The following KLHL6 variants were observed in gnomAD, a reference collection of about 807,000 sequenced individuals.
KLHL6 encodes the protein kelch like family member 6.
In KLHL6, 41 loss-of-function variants were observed where a neutral mutation model predicts 58.6. The ratio of observed to expected loss-of-function variants is 0.70; its 90% CI spans 0.55 to 0.91. The LOEUF (loss-of-function observed/expected upper bound fraction) is 0.91, where lower values mean the gene tolerates loss of function less well. KLHL6 is among the 40% of genes least tolerant of loss of function. The pLI is 0.00. For synonymous variants in KLHL6, 338 were observed against 322.7 expected (o/e 1.05, Z -0.51); for missense variants, 714 against 805.6 (o/e 0.89, Z 1.38).
At chr3:183,506,415 T>C (rs531311358) in intron 3 of KLHL6, among the ~76,000 whole-genome samples, 2 of 152,342 alleles carry the variant, frequency 1.3e-5, no homozygotes, top group Non-Finnish European at 2.9e-5. Flanking sequence ...TAAAGTGCAA[T>C]AAGACATATT....
At chr3:183,534,128 C>T (rs909645898) in intron 1 of KLHL6, among the ~76,000 whole-genome samples, 1 of 122,034 alleles carries the variant, frequency 8.2e-6, no homozygotes, top group Non-Finnish European at 1.8e-5. Context: ...TTTTAAAGTA[C>T]TTTGTACTTT....
At chr3:183,539,913 G>A (rs1020538579) in intron 1 of KLHL6, among the ~76,000 whole-genome samples, 1 of 152,150 alleles carries the variant, frequency 6.6e-6, no homozygotes, top group Non-Finnish European at 1.5e-5. Context: ...ATGACAGAAA[G>A]AAGGACTTGT....
chr3:183,554,219 C>T (rs774673032), intron 1 of KLHL6, among the ~76,000 whole-genome samples: 2 of 152,090 alleles, frequency 1.3e-5, no homozygotes, highest in Non-Finnish European at 2.9e-5. Context: ...GGGTTCCCAG[C>T]GCTATAAAAT....
At chr3:183,515,031 T>C (rs1711515962) in intron 2 of KLHL6, among the ~76,000 whole-genome samples, 1 of 152,234 alleles carries the variant, frequency 6.6e-6, no homozygotes, top group African/African-American at 2.4e-5. Context: ...CCAGAAAGTC[T>C]GTGAACCCCT....
At chr3:183,519,141 C>T (rs1169399286) in intron 2 of KLHL6, among the ~76,000 whole-genome samples, 6 of 152,188 alleles carry the variant, frequency 3.9e-5, no homozygotes, top group Admixed American at 2.0e-4. Context: ...AGTTGCTCCA[C>T]GTCCCCTGTA....
chr3:183,534,584 G>A (rs1003680145), intron 1 of KLHL6, among the ~76,000 whole-genome samples: 1 of 151,864 alleles, frequency 6.6e-6, no homozygotes, highest in Non-Finnish European at 1.5e-5. Flanking sequence ...TGCAATGTTT[G>A]TAGAAATGGG....
rs1389062477 is a variant in KLHL6, at chr3:183,499,270, C to T, written c.1147+320G>A. Among the ~76,000 whole-genome samples the T allele has an allele frequency of 6.6e-6, 1 of 151,694 alleles. No individual in the cohort carries two copies. The highest frequency in any genetic ancestry group is 1.5e-5 in the Non-Finnish European group (1 of 67,982). On this transcript the variant is annotated intron_variant, in intron 4 of 6. Transcript: ENST00000341319. This position sits in a 1 kb window ranked among gnomAD's most constrained non-coding sequence, Gnocchi z 4.6. Reference sequence around the variant, plus strand: ...GTGAGGCAGGAGGGTCACTTGAACTCGGGAGGCGGAGGTTGCAGCTAGCCA... The same window carrying T: ...GTGAGGCAGGAGGGTCACTTGAACTTGGGAGGCGGAGGTTGCAGCTAGCCA...
intron 3 of KLHL6, among the ~76,000 whole-genome samples, chr3:183,504,562 AC>A (rs1717952449): frequency 6.6e-6 from 1 of 152,212 alleles, no homozygotes. Flanking sequence ...CAGGGTAGGG[AC>A]CTTTTATATC....
chr3:183,542,507 T>C (rs915871278), intron 1 of KLHL6, among the ~76,000 whole-genome samples: 11 of 152,208 alleles, frequency 7.2e-5, no homozygotes, highest in Non-Finnish European at 1.6e-4. Flanking sequence ...TGGCCCCTTC[T>C]GGCCAATGCC....
chr3:183,520,467 G>A (rs1295657486), intron 2 of KLHL6: 1 of 151,734 alleles, frequency 6.6e-6, no homozygotes, highest in Non-Finnish European at 1.5e-5. Flanking sequence ...TGGGCCCAGG[G>A]GACCGGCGCT....
chr3:183,511,768 T>C (rs1718192400), intron 2 of KLHL6, among the ~76,000 whole-genome samples: 2 of 152,178 alleles, frequency 1.3e-5, no homozygotes, highest in Non-Finnish European at 1.5e-5. Context: ...ACAACACATG[T>C]TTTTGTGAGC....
At chr3:183,539,569 T>C (rs1187590823) in intron 1 of KLHL6, among the ~76,000 whole-genome samples, 20 of 151,730 alleles carry the variant, frequency 1.3e-4, no homozygotes, top group Admixed American at 1.3e-3. Flanking sequence ...ATTAGCTCGG[T>C]GTGGTGGCGG....
intron 1 of KLHL6, among the ~76,000 whole-genome samples, chr3:183,529,121 G>A (rs1712074420): frequency 6.6e-6 from 1 of 152,116 alleles, no homozygotes; most frequent in Non-Finnish European, 1.5e-5. Flanking sequence ...CACATAGAGG[G>A]GAACAACACA....
At chr3:183,518,045 A>G (rs1053653041) in intron 2 of KLHL6, among the ~76,000 whole-genome samples, 6 of 152,154 alleles carry the variant, frequency 3.9e-5, no homozygotes, top group Non-Finnish European at 8.8e-5. Flanking sequence ...TTTTCTCCCA[A>G]TCCTACTGCC....
Position 183,524,228 on chromosome 3 carries a change from C to T in KLHL6, c.459+3617G>A, listed in dbSNP as rs553958371. The stretch of plus-strand genomic sequence containing the variant: ...AGTTTGGGGCTGGCTTGCTTACCTA[C>T]GACTCAGAAGCCTGAAGGTCCAGTT... On this transcript the variant is annotated intron_variant, in intron 2 of 6. Transcript: ENST00000341319. 1.4e-4 allele frequency among the ~76,000 whole-genome samples: 21 copies of T among 152,244 alleles called. No homozygotes were observed. The South Asian group carries it at 3.3e-3, about 24-fold the overall frequency.
intron 3 of KLHL6, among the ~76,000 whole-genome samples, chr3:183,500,815 A>G (rs761295688): frequency 4.6e-5 from 7 of 152,136 alleles, no homozygotes; most frequent in Non-Finnish European, 8.8e-5. Flanking sequence ...AAAGTCGCCA[A>G]TTTTCCCGCA....
chr3:183,525,269 A>AAAACACACACACAC (rs55871319), intron 2 of KLHL6, among the ~76,000 whole-genome samples: 94 of 133,866 alleles, frequency 7.0e-4, no homozygotes, highest in African/African-American at 2.4e-3. Flanking sequence ...CTAAAAAAAA[A>AAAACACACACACAC]ACACACACAC....
chr3:183,527,857 A>T lies in KLHL6; in HGVS notation c.447T>A (p.Ala149=). The T allele has an allele frequency of 6.2e-7, 1 of 1,613,992 alleles. No individual in the cohort carries two copies. The highest frequency in any genetic ancestry group is 8.5e-7 in the Non-Finnish European group (1 of 1,179,980). Residue 149 remains alanine, a synonymous_variant, in exon 2 of 7, where the codon GCT becomes GCA. Transcript: ENST00000341319. The part of the protein sequence containing the change: ...KQNVQRVLEA[A]NLFQFLRMVD... The stretch of plus-strand genomic sequence containing the variant: ...TTTGTTCACACACCTGGAAGAGGTT[A>T]GCAGCCTCCAGGACCCGCTGGACAT...
chr3:183,532,940 A>G (rs1252938879), intron 1 of KLHL6, among the ~76,000 whole-genome samples: 6 of 152,222 alleles, frequency 3.9e-5, no homozygotes, highest in Non-Finnish European at 7.4e-5. Flanking sequence ...GAACCCATAA[A>G]GAGCTGGGAG....
Sources: gnomAD v4.1 joint callset for allele counts (sites outside exome capture counted in the v4.1 genomes callset) on GRCh38, gnomAD v4.1.1 for gene constraint, Gnocchi (gnomAD v3.1) non-coding constraint, MANE v1.5 for transcripts, NCBI Gene and HGNC (gene_info 2026-07-23, HGNC 2026-07-21) for gene names.